STAU2: variants seen among roughly 807,000 people sequenced by gnomAD.
STAU2 encodes staufen double-stranded RNA binding protein 2.
A neutral mutation model predicts 65.9 loss-of-function variants in STAU2; 20 were observed. That is an observed-to-expected ratio of 0.30 (90% CI 0.21 to 0.44). The LOEUF is 0.44. STAU2 is among the 20% of genes least tolerant of loss of function. The pLI, the probability that STAU2 is intolerant of heterozygous loss-of-function variation, is 1.00. For synonymous variants in STAU2, 232 were observed against 233.9 expected (o/e 0.99, Z 0.07); for missense variants, 558 against 683.9 (o/e 0.82, Z 2.05).
chr8:73,708,129 T>C lies in STAU2; in HGVS notation c.114+903A>G, dbSNP rs546025588. Among the ~76,000 whole-genome samples, 48 of 152,342 alleles carry C rather than the reference T, an allele frequency of 3.2e-4. No individual in the cohort carries two copies. The South Asian group carries it at 9.1e-3, about 29-fold the overall frequency. ...AACAAAAGATATGAACAAATTAAAT[T>C]GTTGCCCCTAAATCCTTCATAAAAA... On this transcript the variant is annotated intron_variant, in intron 4 of 14. Transcript: ENST00000524300.
At chr8:73,691,987 C>T (rs1324089742) in intron 4 of STAU2, among the ~76,000 whole-genome samples, 1 of 152,148 alleles carries the variant, frequency 6.6e-6, no homozygotes, top group Non-Finnish European at 1.5e-5. Flanking sequence ...TAGCCCCATC[C>T]CATTCCTATC....
chr8:73,514,285 T>C (rs1822582728), intron 13 of STAU2, among the ~76,000 whole-genome samples: 3 of 152,182 alleles, frequency 2.0e-5, no homozygotes, highest in Admixed American at 6.5e-5. Context: ...ATTCCTATGA[T>C]AGAAGCCTTC....
At chr8:73,731,848 A>C (rs542606593) in intron 3 of STAU2, among the ~76,000 whole-genome samples, 4 of 152,314 alleles carry the variant, frequency 2.6e-5, no homozygotes, top group Admixed American at 1.3e-4. Flanking sequence ...CTGAGGCAGG[A>C]GAATCACCTG....
At chr8:73,510,036 A>C (rs1223969423) in intron 13 of STAU2, among the ~76,000 whole-genome samples, 1 of 152,166 alleles carries the variant, frequency 6.6e-6, no homozygotes, top group Admixed American at 6.6e-5. Flanking sequence ...AAAAATATGC[A>C]TAAATCTTTA....
intron 13 of STAU2, among the ~76,000 whole-genome samples, chr8:73,485,141 C>A (rs76596191): frequency 1.2e-5 from 1 of 82,824 alleles, no homozygotes; most frequent in Non-Finnish European, 2.1e-5. Flanking sequence ...CATCCTTACT[C>A]TTTTTTTTTT....
At chr8:73,431,671 A>G (rs1179272472) in intron 13 of STAU2, among the ~76,000 whole-genome samples, 1 of 152,220 alleles carries the variant, frequency 6.6e-6, no homozygotes, top group East Asian at 1.9e-4. Flanking sequence ...CTTGTTTTGT[A>G]CGTAGTTATA....
At chr8:73,591,000 C>T (rs1422685203) in intron 11 of STAU2, 6 of 152,028 alleles carry the variant, frequency 3.9e-5, no homozygotes, top group Non-Finnish European at 5.9e-5. Context: ...GCCTACAGAT[C>T]TGCTAAAATA....
At chr8:73,513,349 T>C (rs1822520986) in intron 13 of STAU2, among the ~76,000 whole-genome samples, 1 of 152,190 alleles carries the variant, frequency 6.6e-6, no homozygotes, top group Non-Finnish European at 1.5e-5. Context: ...AGCTTAGTGG[T>C]CAGCCAGTAA....
At chr8:73,426,868 C>G (rs1585721616) in intron 13 of STAU2, among the ~76,000 whole-genome samples, 1 of 151,808 alleles carries the variant, frequency 6.6e-6, no homozygotes, top group East Asian at 1.9e-4. Flanking sequence ...CAATACTTTC[C>G]TTATGATAAA....
chr8:73,711,903 T>C (rs1324982679), intron 3 of STAU2, among the ~76,000 whole-genome samples: 4 of 152,166 alleles, frequency 2.6e-5, no homozygotes, highest in African/African-American at 9.6e-5. Flanking sequence ...TAATTAGTCA[T>C]AGTTGTTTTA....
chr8:73,625,549 G>A (rs1482534620), intron 6 of STAU2, among the ~76,000 whole-genome samples: 3 of 152,184 alleles, frequency 2.0e-5, no homozygotes, highest in Non-Finnish European at 2.9e-5. Flanking sequence ...GAGCTGGGAG[G>A]ATGGAGTTTG....
At chr8:73,591,867 C>A (rs1586075381) in intron 11 of STAU2, among the ~76,000 whole-genome samples, 2 of 91,522 alleles carry the variant, frequency 2.2e-5, no homozygotes, top group Non-Finnish European at 4.0e-5. Context: ...ACCCATACAG[C>A]GTGTATCCCA....
chr8:73,555,944 A>C (rs935050884), intron 12 of STAU2, among the ~76,000 whole-genome samples: 2 of 152,202 alleles, frequency 1.3e-5, no homozygotes, highest in South Asian at 4.1e-4. Context: ...AATTTCAATA[A>C]ATTTTTTTAC....
At chr8:73,551,875 T>G in intron 13 of STAU2, 137 bp downstream of exon 13, 1 of 1,337,560 alleles carries the variant, frequency 7.5e-7, no homozygotes, top group African/African-American at 1.5e-5. Context: ...GTCTGTCCTT[T>G]GTGTTCCTAA....
At chr8:73,621,939 A>C (rs2129932419) in intron 6 of STAU2, among the ~76,000 whole-genome samples, 1 of 148,264 alleles carries the variant, frequency 6.7e-6, no homozygotes, top group South Asian at 2.2e-4. Context: ...CACAATGGTT[A>C]GGTCTTTCTC....
intron 6 of STAU2, among the ~76,000 whole-genome samples, chr8:73,633,416 G>T (rs1042620670): frequency 1.3e-4 from 20 of 152,158 alleles, no homozygotes; most frequent in African/African-American, 3.4e-4. Context: ...ACCAGCAAGG[G>T]CCAGGTTCTC....
chr8:73,429,994 C>T (rs1817141696), intron 13 of STAU2, among the ~76,000 whole-genome samples: 1 of 152,210 alleles, frequency 6.6e-6, no homozygotes, highest in Non-Finnish European at 1.5e-5. Context: ...CTCAGCACTT[C>T]CGTAACACTT....
At chr8:73,538,527 T>C (rs1806325503) in intron 13 of STAU2, among the ~76,000 whole-genome samples, 1 of 151,856 alleles carries the variant, frequency 6.6e-6, no homozygotes, top group Admixed American at 6.6e-5. Context: ...AAAAACAAAG[T>C]CAGTGGGGCA....
chr8:73,478,674 T>C (rs1389849880), intron 13 of STAU2, among the ~76,000 whole-genome samples: 1 of 152,102 alleles, frequency 6.6e-6, no homozygotes, highest in Admixed American at 6.5e-5. Context: ...AAATTCATGA[T>C]GCATCTCTAG....
Sources: gnomAD v4.1 joint callset for allele counts (sites outside exome capture counted in the v4.1 genomes callset) on GRCh38, gnomAD v4.1.1 for gene constraint, MANE v1.5 for transcripts, NCBI Gene and HGNC (gene_info 2026-07-23, HGNC 2026-07-21) for gene names.